Variants in ZNF135 observed in about 807,000 individuals in gnomAD.
ZNF135 encodes zinc finger protein 135 (clone pHZ-17).
Under a neutral mutation model 12.3 loss-of-function variants are expected in ZNF135, and 11 were observed. That is an observed-to-expected ratio of 0.89 (90% CI 0.56 to 1.48). ZNF135 has a LOEUF of 1.48. ZNF135 is among the 40% of genes most tolerant of loss of function. ZNF135 has a pLI of 0.00. For synonymous variants in ZNF135, 316 were observed against 312.0 expected (o/e 1.01, Z -0.14); for missense variants, 722 against 815.7 (o/e 0.89, Z 1.40).
chr19:58,065,736 C>G lies in ZNF135; in HGVS notation c.257-1005C>G, dbSNP rs534305230. On this transcript the variant is annotated intron_variant, in intron 4 of 4. Transcript: ENST00000313434. This position sits in a 1 kb window ranked among gnomAD's most constrained non-coding sequence, Gnocchi z 4.0. ...ATTAGCAACCTTAATTCCTCCCTCCCATGTAATTGGAAACATACAGGTTAT... is the reference window on the plus strand; with the variant it reads ...ATTAGCAACCTTAATTCCTCCCTCCGATGTAATTGGAAACATACAGGTTAT... Among the ~76,000 whole-genome samples the G allele has an allele frequency of 1.3e-4, 20 of 152,266 alleles. No homozygotes were observed. The highest frequency in any genetic ancestry group is 3.4e-3 in the Middle Eastern group (1 of 294).
chr19:58,062,405 CAG>C (rs2073996251), intron 3 of ZNF135, among the ~76,000 whole-genome samples: 2 of 152,092 alleles, frequency 1.3e-5, no homozygotes, highest in African/African-American at 4.8e-5. Flanking sequence ...ATTTTTGAGA[CAG>C]AGTCTCGCTG....
Position 58,060,265 on chromosome 19 carries a change from GTGCCCGGCCTC to G in ZNF135, c.33+232_33+242del. 1 of 1,281,042 alleles carries G rather than the reference GTGCCCGGCCTC, an allele frequency of 7.8e-7. No homozygotes were observed. The highest frequency in any genetic ancestry group is 9.9e-7 in the Non-Finnish European group (1 of 1,007,756). The allele number at this position is 1,281,042 out of a possible 1,614,324, so 79.4% of individuals were successfully genotyped here. ...CTCTACTGGTGCCCGGCCTCTACTC[GTGCCCGGCCTC>G]TATTTGCACATCTAGCCTCTACTCG... On this transcript the variant is annotated intron_variant, in intron 2 of 4. Transcript: ENST00000313434. The surrounding 1 kb of genome is among the most constrained non-coding windows in gnomAD (Gnocchi z 4.9).
rs928713559 is a variant in ZNF135 at position 58,060,154 on chromosome 19, C to T, written c.33+119C>T. ...GTCCCTACTCGCGCTCAGCCTCCTCCTTGTGCCCGGCCCCTACTTGCGTGC... is the reference window on the plus strand; with the variant it reads ...GTCCCTACTCGCGCTCAGCCTCCTCTTTGTGCCCGGCCCCTACTTGCGTGC... On this transcript the variant is annotated intron_variant, in intron 2 of 4. Coordinates refer to ENST00000313434, the MANE Select transcript of ZNF135 (RefSeq NM_001289401.2). This position sits in a 1 kb window ranked among gnomAD's most constrained non-coding sequence, Gnocchi z 4.9. 12 of 1,567,158 alleles carry T rather than the reference C, an allele frequency of 7.7e-6. No homozygotes were observed. The highest frequency in any genetic ancestry group is 1.0e-5 in the Non-Finnish European group (12 of 1,163,006).
chr19:58,062,266 C>A (rs1034038903), intron 3 of ZNF135, among the ~76,000 whole-genome samples: 5 of 152,356 alleles, frequency 3.3e-5, no homozygotes, highest in Non-Finnish European at 7.3e-5. Context: ...TGATCCCATT[C>A]ATGAGTGGAG....
In ZNF135 at chr19:58,063,578, T is replaced by G; in HGVS notation, c.256+37T>G. On this transcript the variant is annotated intron_variant, in intron 4 of 4. Transcript: ENST00000313434. The surrounding 1 kb of genome is among the most constrained non-coding windows in gnomAD (Gnocchi z 4.4). ...GCCCTTCGGGGCAGAGAGAAGCCTG[T>G]CCATGCTTGCTTCCTGGTTTCTCCC... 6.2e-7 allele frequency: 1 copy of G among 1,612,366 alleles called. No homozygotes were observed. The highest frequency in any genetic ancestry group is 8.5e-7 in the Non-Finnish European group (1 of 1,179,008).
In ZNF135 at chr19:58,068,558, C is replaced by T; in HGVS notation, c.*97C>T. ...ATCATACACATGAGAAACGTACATT[C>T]ATACACAAGCCTTTTCACACAGCAC... On this transcript the variant is annotated 3_prime_UTR_variant, in exon 5 of 5. Transcript: ENST00000313434. 1 of 1,369,644 alleles carries T rather than the reference C, an allele frequency of 7.3e-7. No homozygotes were observed. The highest frequency in any genetic ancestry group is 9.9e-7 in the Non-Finnish European group (1 of 1,012,798). The allele number at this position is 1,369,644 out of a possible 1,614,324, so 84.8% of individuals were successfully genotyped here.
Position 58,059,545 on chromosome 19 carries a change from G to A in ZNF135, c.-35+235G>A, listed in dbSNP as rs961960970. On this transcript the variant is annotated intron_variant, in intron 1 of 4. Coordinates refer to ENST00000313434, the MANE Select transcript of ZNF135 (RefSeq NM_001289401.2). The surrounding 1 kb of genome is among the most constrained non-coding windows in gnomAD (Gnocchi z 6.5). ...GGAGGGCGGGGCCCAACGCCCAGCT[G>A]GACAGGAGCTGCTCCGACGGCCCCT... 4.6e-5 allele frequency among the ~76,000 whole-genome samples: 7 copies of A among 152,090 alleles called. No individual in the cohort carries two copies. The highest frequency in any genetic ancestry group is 1.0e-4 in the Non-Finnish European group (7 of 67,986).
rs973873414 is a variant in ZNF135, at chr19:58,059,477, G to A, written c.-35+167G>A. ...CCGGGGCCTGGGGAAGGCCGTTTCG[G>A]GGCTGGCGGGGGCAGGCTTTGCGGG... On this transcript the variant is annotated intron_variant, in intron 1 of 4. Coordinates refer to ENST00000313434, the MANE Select transcript of ZNF135 (RefSeq NM_001289401.2). The surrounding 1 kb of genome is among the most constrained non-coding windows in gnomAD (Gnocchi z 6.5). Among the ~76,000 whole-genome samples, 3 of 152,080 alleles carry A rather than the reference G, an allele frequency of 2.0e-5. No individual in the cohort carries two copies. Among genetic ancestry groups the A allele is most frequent in the Non-Finnish European group, 4.4e-5 (3 of 67,988 alleles).
In ZNF135 at chr19:58,060,112, C is replaced by T. The variant is rs1599918875; in HGVS notation, c.33+77C>T. ...TCGCGCGCGGCCTTCTCACGCCCGG[C>T]CTCCTCTTTGCACCCCGTCCCTACT... On this transcript the variant is annotated intron_variant, in intron 2 of 4. Coordinates refer to ENST00000313434, the MANE Select transcript of ZNF135 (RefSeq NM_001289401.2). This position sits in a 1 kb window ranked among gnomAD's most constrained non-coding sequence, Gnocchi z 4.9. 5 of 1,601,022 alleles carry T rather than the reference C, an allele frequency of 3.1e-6. No homozygotes were observed. The East Asian group carries it at 9.0e-5, about 29-fold the overall frequency.
chr19:58,059,280 G>C (rs752091392), upstream of ZNF135: 39 of 1,579,842 alleles, frequency 2.5e-5, no homozygotes, highest in Non-Finnish European at 3.2e-5. This position sits in a 1 kb window ranked among gnomAD's most constrained non-coding sequence, Gnocchi z 6.5. Flanking sequence ...TCGGCTGCCG[G>C]TGCCGCGGCC....
chr19:58,059,365 C>T lies in ZNF135; in HGVS notation c.-35+55C>T, dbSNP rs1599916682. ...GAGGCCAGGCCGGGCCGGGCCGGGC[C>T]GGGTGCGGGGGGTCCGGGGATCTTC... On this transcript the variant is annotated intron_variant, in intron 1 of 4. Transcript: ENST00000313434. The surrounding 1 kb of genome is among the most constrained non-coding windows in gnomAD (Gnocchi z 6.5). 8.6e-6 allele frequency: 4 copies of T among 462,734 alleles called. No homozygotes were observed. The East Asian group carries it at 2.0e-4, about 23-fold the overall frequency. The allele number at this position is 462,734 out of a possible 1,614,324, so 28.7% of individuals were successfully genotyped here.
rs771200116 is a variant in ZNF135 at position 58,067,173 on chromosome 19, T to C, written c.689T>C (p.Ile230Thr). The change falls in exon 5 of 5, where the codon ATC becomes ACC. Residue 230 changes from isoleucine to threonine, a missense_variant. Transcript: ENST00000313434. ...GCCTTTAGTCACAGCTCAGCACTTA[T>C]CGAACACCACCGGACGCACACAGGA... ...GKAFSHSSAL[I>T]EHHRTHTGER... The C allele has an allele frequency of 1.8e-5, 29 of 1,613,922 alleles. No homozygotes were observed. Among genetic ancestry groups the C allele is most frequent in the Non-Finnish European group, 2.3e-5 (27 of 1,179,944 alleles).
Position 58,068,261 on chromosome 19 carries a change from C to T in ZNF135, c.1777C>T (p.Leu593Phe). ...CGKSFSHSSS[L>F]SQHERTHTGE... ...GAAATCCTTCAGCCACAGCTCCTCG[C>T]TCAGCCAGCACGAAAGGACGCACAC... The change falls in exon 5 of 5, where the codon CTC becomes TTC. Residue 593 changes from leucine to phenylalanine, a missense_variant. Coordinates refer to ENST00000313434, the MANE Select transcript of ZNF135 (RefSeq NM_001289401.2). 1 of 1,614,180 alleles carries T rather than the reference C, an allele frequency of 6.2e-7. No individual in the cohort carries two copies. The highest frequency in any genetic ancestry group is 8.5e-7 in the Non-Finnish European group (1 of 1,180,038).
At position 58,069,247 on chromosome 19, in the gene ZNF135, G is replaced by A. The variant is rs12973718; in HGVS notation, c.*786G>A. On this transcript the variant is annotated 3_prime_UTR_variant, in exon 5 of 5. Coordinates refer to ENST00000313434, the MANE Select transcript of ZNF135 (RefSeq NM_001289401.2). ...AGACTCAAAATGTAAAGCTGCTTCC[G>A]TAGAGTCTCACTGATTCTGAGATGG... is the stretch of plus-strand genomic sequence containing the variant. 0.13 allele frequency: 19,054 copies of A among 152,190 alleles called. 1,643 individuals are homozygous for A. Among genetic ancestry groups the A allele is most frequent in the Non-Finnish European group, 0.19 (12,784 of 68,002 alleles). The allele number at this position is 152,190 out of a possible 1,614,324, so 9.4% of individuals were successfully genotyped here.
Position 58,063,445 on chromosome 19 carries a change from G to A in ZNF135, c.161-1G>A, listed in dbSNP as rs1472701388. 1.9e-6 allele frequency: 3 copies of A among 1,613,894 alleles called. No individual in the cohort carries two copies. The highest frequency in any genetic ancestry group is 2.5e-6 in the Non-Finnish European group (3 of 1,179,944). ...CACTCTATGGGTCTCTCCCTGAGCAGGACATTGGTTACCGAAGCCGAATGT... is the reference window on the plus strand; with the variant it reads ...CACTCTATGGGTCTCTCCCTGAGCAAGACATTGGTTACCGAAGCCGAATGT... On this transcript the variant is annotated splice_acceptor_variant, in intron 3 of 4. Coordinates refer to ENST00000313434, the MANE Select transcript of ZNF135 (RefSeq NM_001289401.2). LOFTEE classifies it high-confidence loss of function. This position sits in a 1 kb window ranked among gnomAD's most constrained non-coding sequence, Gnocchi z 4.4.
Position 58,067,009 on chromosome 19 carries a change from C to G in ZNF135, c.525C>G (p.Leu175=). 6.2e-7 allele frequency: 1 copy of G among 1,614,140 alleles called. No individual in the cohort carries two copies. The highest frequency in any genetic ancestry group is 8.5e-7 in the Non-Finnish European group (1 of 1,180,034). Residue 175 remains leucine (L), a synonymous_variant, in exon 5 of 5, where the codon CTC becomes CTG. Transcript: ENST00000313434. The part of the protein sequence containing the change: ...FGENISLNPD[L]PHQPMTPERQ... ...AAAACATAAGTCTGAACCCTGATCT[C>G]CCACATCAACCAATGACTCCTGAAA...
rs555296154 is a variant in ZNF135 at position 58,063,173 on chromosome 19, C to T, written c.161-273C>T. 6.6e-6 allele frequency among the ~76,000 whole-genome samples: 1 copy of T among 152,206 alleles called. No homozygotes were observed. The highest frequency in any genetic ancestry group is 2.4e-5 in the African/African-American group (1 of 41,458). ...TGGTTTGGCTGCCAGGTCTTCTTCA[C>T]AGTGATCATTGATGCCAGTGGGCAG... On this transcript the variant is annotated intron_variant, in intron 3 of 4. Transcript: ENST00000313434. This position sits in a 1 kb window ranked among gnomAD's most constrained non-coding sequence, Gnocchi z 4.4.
rs2123460371 is a variant in ZNF135 at position 58,059,353 on chromosome 19, G to GCCGGT, written c.-35+47_-35+48insTCCGG. The GCCGGT allele has an allele frequency of 8.9e-7, 1 of 1,128,548 alleles. No homozygotes were observed. Among genetic ancestry groups the GCCGGT allele is most frequent in the Admixed American group, 3.1e-5 (1 of 31,922 alleles). The allele number at this position is 1,128,548 out of a possible 1,614,324, so 69.9% of individuals were successfully genotyped here. A position where few individuals can be genotyped will look rare whatever the true frequency, so the allele number is the denominator to read the frequency against. The stretch of plus-strand genomic sequence containing the variant: ...GGAGGGGGAGGGGAGGCCAGGCCGG[G>GCCGGT]CCGGGCCGGGCCGGGTGCGGGGGGT... On this transcript the variant is annotated intron_variant, in intron 1 of 4. Transcript: ENST00000313434. The surrounding 1 kb of genome is among the most constrained non-coding windows in gnomAD (Gnocchi z 6.5).
chr19:58,062,044 T>A (rs2073990554), intron 3 of ZNF135, among the ~76,000 whole-genome samples: 1 of 152,214 alleles, frequency 6.6e-6, no homozygotes, highest in Admixed American at 6.5e-5. Context: ...TCTGTCTTAG[T>A]CTGTTAGGGC....
Sources: allele counts gnomAD v4.1 joint callset (sites outside exome capture counted in the v4.1 genomes callset), GRCh38; gene constraint gnomAD v4.1.1; non-coding constraint Gnocchi (gnomAD v3.1); transcripts MANE v1.5; gene names NCBI Gene and HGNC (gene_info 2026-07-23, HGNC 2026-07-21).